Variants in HTR1F observed in about 807,000 individuals in gnomAD.
The protein encoded by HTR1F is 5-hydroxytryptamine receptor 1F, also known as 5-hydroxytryptamine (serotonin) receptor 1F, G protein-coupled.
A neutral mutation model predicts 24.0 loss-of-function variants in HTR1F; 17 were observed. The observed-to-expected ratio is 0.71, with a 90% CI of 0.48 to 1.06. The LOEUF is 1.06. HTR1F is among the 50% of genes least tolerant of loss of function. The pLI, the probability that HTR1F is intolerant of heterozygous loss-of-function variation, is 0.00. For missense variants in HTR1F, 391 were observed against 427.8 expected (o/e 0.91, Z 0.76); for synonymous variants, 186 against 156.8 (o/e 1.19, Z -1.39).
At chr3:87,873,319 A>C (rs1705601098) in intron 2 of HTR1F, among the ~76,000 whole-genome samples, 1 of 152,112 alleles carries the variant, frequency 6.6e-6, no homozygotes, top group South Asian at 2.1e-4. Context: ...AAGGCTTAAT[A>C]ACCATGGGAG....
intron 2 of HTR1F, among the ~76,000 whole-genome samples, chr3:87,964,538 T>TTCTCA (rs1224632433): frequency 7.9e-5 from 12 of 152,136 alleles, no homozygotes; most frequent in Non-Finnish European, 1.8e-4. Context: ...CCAAACCCTC[T>TTCTCA]TCTCAGAGTT....
At chr3:87,845,571 A>G (rs1431215367) in intron 2 of HTR1F, among the ~76,000 whole-genome samples, 1 of 150,606 alleles carries the variant, frequency 6.6e-6, no homozygotes, top group Non-Finnish European at 1.5e-5. Context: ...CCACTGCTCA[A>G]GGAAATAAAA....
At chr3:87,886,773 G>A (rs1434374459) in intron 2 of HTR1F, among the ~76,000 whole-genome samples, 1 of 152,050 alleles carries the variant, frequency 6.6e-6, no homozygotes, top group Non-Finnish European at 1.5e-5. Flanking sequence ...CAACTTACAA[G>A]GGATGTGAAG....
At chr3:87,918,030 A>T (rs1703933694) in intron 2 of HTR1F, among the ~76,000 whole-genome samples, 2 of 151,928 alleles carry the variant, frequency 1.3e-5, no homozygotes, top group Admixed American at 6.6e-5. Flanking sequence ...CACGAACAAG[A>T]GGGTTTTATA....
Position 87,990,997 on chromosome 3 carries a change from A to T in HTR1F, c.248A>T (p.Tyr83Phe). 6.2e-7 allele frequency: 1 copy of T among 1,614,120 alleles called. No individual in the cohort carries two copies. The change falls in exon 3 of 3, where the codon TAT becomes TTT. Residue 83 changes from tyrosine (Y) to phenylalanine (F), a missense_variant. Coordinates refer to ENST00000319595, the MANE Select transcript of HTR1F (RefSeq NM_001322209.2). ...CTGGTGATGCCCTTCAGCATTGTGT[A>T]TATTGTGAGAGAGAGCTGGATTATG... ...AVLVMPFSIV[Y>F]IVRESWIMGQ...
At chr3:87,949,625 C>G (rs1704789784) in intron 2 of HTR1F, among the ~76,000 whole-genome samples, 1 of 152,204 alleles carries the variant, frequency 6.6e-6, no homozygotes, top group African/African-American at 2.4e-5. Flanking sequence ...TTGCCACTTT[C>G]AGATCTTTGC....
At chr3:87,974,484 C>T (rs1705351213) in intron 2 of HTR1F, among the ~76,000 whole-genome samples, 2 of 151,996 alleles carry the variant, frequency 1.3e-5, no homozygotes, top group Non-Finnish European at 1.5e-5. Context: ...AGAAGCATTT[C>T]TATATTTTTA....
At position 87,991,308 on chromosome 3, in the gene HTR1F, T is replaced by C. The variant is rs1235144913; in HGVS notation, c.559T>C (p.Phe187Leu). 1.2e-6 allele frequency: 2 copies of C among 1,613,984 alleles called. No individual in the cohort carries two copies. The highest frequency in any genetic ancestry group is 1.7e-6 in the Non-Finnish European group (2 of 1,179,972). ...CATTGTTTCCACCATTTACTCAACA[T>C]TTGGAGCTTTCTACATCCCACTGGC... ...DHIVSTIYST[F>L]GAFYIPLALI... Residue 187 changes from phenylalanine to leucine, a missense_variant, in exon 3 of 3, where the codon TTT (phenylalanine) becomes CTT (leucine). Coordinates refer to ENST00000319595, the MANE Select transcript of HTR1F (RefSeq NM_001322209.2).
intron 2 of HTR1F, among the ~76,000 whole-genome samples, chr3:87,911,189 T>C (rs1183124302): frequency 4.0e-5 from 6 of 151,838 alleles, no homozygotes; most frequent in Non-Finnish European, 7.4e-5. Flanking sequence ...GAGTTTGTTT[T>C]CTGCAAAAAA....
intron 2 of HTR1F, among the ~76,000 whole-genome samples, chr3:87,845,898 T>C (rs1704930342): frequency 6.6e-6 from 1 of 151,942 alleles, no homozygotes; most frequent in Non-Finnish European, 1.5e-5. Context: ...CACAAATTTG[T>C]CCATTGGATT....
intron 2 of HTR1F, among the ~76,000 whole-genome samples, chr3:87,920,573 G>A (rs186851830): frequency 2.0e-5 from 3 of 152,000 alleles, no homozygotes; most frequent in Admixed American, 1.3e-4. Context: ...GCTTTTGAGG[G>A]GAGTAGTTAT....
intron 2 of HTR1F, among the ~76,000 whole-genome samples, chr3:87,976,739 C>T (rs1339683962): frequency 6.6e-6 from 1 of 152,156 alleles, no homozygotes; most frequent in East Asian, 1.9e-4. Flanking sequence ...GCTAACTTTA[C>T]AAACAAAAGT....
At chr3:87,845,656 G>T (rs1313905176) in intron 2 of HTR1F, among the ~76,000 whole-genome samples, 1 of 151,586 alleles carries the variant, frequency 6.6e-6, no homozygotes, top group South Asian at 2.1e-4. Flanking sequence ...TGGCCATACT[G>T]CCCAAGGTAA....
At chr3:87,837,898 C>T (rs1393893047) in intron 2 of HTR1F, among the ~76,000 whole-genome samples, 2 of 151,764 alleles carry the variant, frequency 1.3e-5, no homozygotes, top group African/African-American at 4.8e-5. Context: ...ATCTCTTATC[C>T]ATAATCAATG....
chr3:87,970,849 CCA>C (rs1381199561), intron 2 of HTR1F, among the ~76,000 whole-genome samples: 2 of 152,160 alleles, frequency 1.3e-5, no homozygotes, highest in African/African-American at 2.4e-5. Context: ...TGTTTCTTTT[CCA>C]CTCTTATATG....
intron 1 of HTR1F, among the ~76,000 whole-genome samples, chr3:87,800,126 C>T (rs779286427): frequency 2.6e-5 from 4 of 152,118 alleles, no homozygotes; most frequent in South Asian, 2.1e-4. Flanking sequence ...CCTCATTTGT[C>T]GTTTTTCCCA....
In HTR1F at chr3:87,851,967, C is replaced by CA. The variant is rs772352453; in HGVS notation, c.-43+29858dup. Among the ~76,000 whole-genome samples the CA allele has an allele frequency of 9.2e-3, 912 of 99,422 alleles. 19 individuals are homozygous for CA. Among genetic ancestry groups the CA allele is most frequent in the African/African-American group, 0.025 (681 of 26,894 alleles). The allele number at this position is 99,422 out of a possible 152,430, so 65.2% of individuals were successfully genotyped here. The stretch of plus-strand genomic sequence containing the variant: ...TGAAAAATAAATATAACATCCAAGC[C>CA]AAAAAAAAAAAAAAAGAATGTACAT... On this transcript the variant is annotated intron_variant, in intron 2 of 2. Transcript: ENST00000319595.
chr3:87,879,562 T>G (rs1705744051), intron 2 of HTR1F, among the ~76,000 whole-genome samples: 1 of 152,208 alleles, frequency 6.6e-6, no homozygotes, highest in South Asian at 2.1e-4. Flanking sequence ...TTTAATTATA[T>G]TTAACTGTAA....
At chr3:87,981,192 T>C (rs4858925) in intron 2 of HTR1F, among the ~76,000 whole-genome samples, 89,977 of 152,006 alleles carry the variant, frequency 0.59, 26,909 homozygotes, top group South Asian at 0.74. Flanking sequence ...GTTTTGGGTT[T>C]TTTTGTTTGT....
Sources: allele counts gnomAD v4.1 joint callset (sites outside exome capture counted in the v4.1 genomes callset), GRCh38; gene constraint gnomAD v4.1.1; transcripts MANE v1.5; gene names NCBI Gene and HGNC (gene_info 2026-07-23, HGNC 2026-07-21).